The following VEPH1 variants were observed in gnomAD, a reference collection of about 807,000 sequenced individuals.
VEPH1 encodes ventricular zone expressed PH domain containing 1, also known as ventricular zone-expressed PH domain-containing protein homolog 1.
Under a neutral mutation model 85.2 loss-of-function variants are expected in VEPH1, and 80 were observed. The observed-to-expected ratio is 0.94, with a 90% CI of 0.78 to 1.13. The LOEUF (loss-of-function observed/expected upper bound fraction) is 1.13. Ranked by LOEUF, VEPH1 falls within the 50% of genes most tolerant of loss-of-function variation. The pLI, the probability that VEPH1 is intolerant of heterozygous loss-of-function variation, is 0.00. For missense variants in VEPH1, 955 were observed against 980.5 expected, an observed-to-expected ratio of 0.97 and a Z score of 0.35; for synonymous variants, 297 against 348.0, an observed-to-expected ratio of 0.85 and a Z score of 1.63.
At chr3:157,359,040 G>A (rs749613791) in intron 9 of VEPH1, among the ~76,000 whole-genome samples, 23 of 152,026 alleles carry the variant, frequency 1.5e-4, no homozygotes, top group Non-Finnish European at 2.8e-4. Flanking sequence ...ACTTGTGTGG[G>A]TCTATAAAGA....
chr3:157,497,118 T>A (rs752772391), intron 1 of VEPH1, among the ~76,000 whole-genome samples: 7 of 152,172 alleles, frequency 4.6e-5, no homozygotes, highest in Non-Finnish European at 1.0e-4. Context: ...AGACTCCAAG[T>A]TCATAACCAT....
At chr3:157,265,747 C>A (rs1713552255) in intron 12 of VEPH1, 85 bp from the exon 13 acceptor site, 1 of 1,398,320 alleles carries the variant, frequency 7.2e-7, no homozygotes, top group Non-Finnish European at 9.6e-7. Context: ...GTACAGTGTA[C>A]CAGAACCCAG....
intron 12 of VEPH1, among the ~76,000 whole-genome samples, chr3:157,268,218 G>A (rs1324876963): frequency 6.6e-6 from 1 of 152,142 alleles, no homozygotes; most frequent in Admixed American, 6.6e-5. Context: ...AAAGTGCTTA[G>A]GGCACTGTGT....
chr3:157,392,298 A>T (rs575264768), intron 6 of VEPH1, among the ~76,000 whole-genome samples: 1 of 152,360 alleles, frequency 6.6e-6, no homozygotes, highest in African/African-American at 2.4e-5. Flanking sequence ...GTCATGTCTT[A>T]CATGGATGGC....
At chr3:157,280,014 C>CAAAA (rs369384376) in intron 12 of VEPH1, among the ~76,000 whole-genome samples, 2 of 109,994 alleles carry the variant, frequency 1.8e-5, no homozygotes, top group Admixed American at 1.0e-4. Context: ...GACTCTGTTT[C>CAAAA]AAAAAAAAAA....
At chr3:157,399,089 A>G (rs931568483) in intron 6 of VEPH1, among the ~76,000 whole-genome samples, 1 of 152,256 alleles carries the variant, frequency 6.6e-6, no homozygotes, top group Non-Finnish European at 1.5e-5. Flanking sequence ...CTTGAGTATC[A>G]AAAATCTTAA....
At chr3:157,416,267 CAACT>C (rs1456356085) in intron 5 of VEPH1, among the ~76,000 whole-genome samples, 9 of 151,972 alleles carry the variant, frequency 5.9e-5, no homozygotes, top group Admixed American at 1.3e-4. Context: ...TACTACAAAA[CAACT>C]AACAAGAACA....
At chr3:157,481,465 CAAAAAAAA>C (rs1553796737) in intron 2 of VEPH1, among the ~76,000 whole-genome samples, 5 of 63,312 alleles carry the variant, frequency 7.9e-5, no homozygotes, top group African/African-American at 1.7e-4. Context: ...CACACACACA[CAAAAAAAA>C]AAAAAAAAAA....
At chr3:157,339,576 C>A (rs567185097) in intron 9 of VEPH1, among the ~76,000 whole-genome samples, 1 of 152,146 alleles carries the variant, frequency 6.6e-6, no homozygotes, top group African/African-American at 2.4e-5. Flanking sequence ...ACACCTCAAC[C>A]TCACACTTCC....
chr3:157,317,391 A>AATT (rs1227870047), intron 9 of VEPH1, among the ~76,000 whole-genome samples, 190 bp from the exon 10 acceptor site: 1 of 152,156 alleles, frequency 6.6e-6, no homozygotes, highest in Non-Finnish European at 1.5e-5. Flanking sequence ...AAAGATTTTA[A>AATT]ATTATTATTA....
At chr3:157,300,533 A>G (rs952155476) in intron 11 of VEPH1, among the ~76,000 whole-genome samples, 1 of 152,226 alleles carries the variant, frequency 6.6e-6, no homozygotes, top group Admixed American at 6.5e-5. Context: ...AATTTGTTAA[A>G]AAAGCATATG....
chr3:157,434,074 G>C (rs951856419), intron 4 of VEPH1, among the ~76,000 whole-genome samples: 1 of 151,752 alleles, frequency 6.6e-6, no homozygotes, highest in African/African-American at 2.4e-5. Flanking sequence ...AGATAATTCA[G>C]AGATATCTTC....
At chr3:157,437,631 C>A (rs1412412407) in intron 4 of VEPH1, 3 of 1,555,336 alleles carry the variant, frequency 1.9e-6, no homozygotes, top group South Asian at 2.4e-5. Context: ...TCCTGCGGGG[C>A]GAGCTGCAGA....
At chr3:157,281,375 C>T (rs572996671) in intron 12 of VEPH1, among the ~76,000 whole-genome samples, 12 of 152,114 alleles carry the variant, frequency 7.9e-5, no homozygotes, top group African/African-American at 2.9e-4. Context: ...ACTCAGTAGT[C>T]CCAGTATATC....
intron 3 of VEPH1, among the ~76,000 whole-genome samples, chr3:157,464,583 G>A (rs1309368126): frequency 6.6e-6 from 1 of 152,142 alleles, no homozygotes; most frequent in Non-Finnish European, 1.5e-5. Flanking sequence ...CTTTCTCGTG[G>A]GGACAATTTA....
At chr3:157,266,767 C>T (rs1158478415) in intron 12 of VEPH1, among the ~76,000 whole-genome samples, 1 of 152,184 alleles carries the variant, frequency 6.6e-6, no homozygotes, top group African/African-American at 2.4e-5. Flanking sequence ...ACATAAGATT[C>T]ACTCTTCAAA....
intron 3 of VEPH1, among the ~76,000 whole-genome samples, chr3:157,462,972 G>A (rs1484689187): frequency 6.6e-6 from 1 of 152,186 alleles, no homozygotes; most frequent in Admixed American, 6.5e-5. Context: ...GTATTGAGAA[G>A]GGAGGATCAA....
chr3:157,479,873 G>A (rs1371209611), intron 2 of VEPH1, among the ~76,000 whole-genome samples: 1 of 152,180 alleles, frequency 6.6e-6, no homozygotes, highest in Non-Finnish European at 1.5e-5. Flanking sequence ...CACAGTAAGT[G>A]CAGATAAATG....
intron 11 of VEPH1, among the ~76,000 whole-genome samples, chr3:157,308,646 A>C (rs1719778417): frequency 6.6e-6 from 1 of 152,032 alleles, no homozygotes; most frequent in South Asian, 2.1e-4. Context: ...ACTTCATAAG[A>C]GATAAAAAAT....
Sources: allele counts gnomAD v4.1 joint callset (sites outside exome capture counted in the v4.1 genomes callset), GRCh38; gene constraint gnomAD v4.1.1; transcripts MANE v1.5; gene names NCBI Gene and HGNC (gene_info 2026-07-23, HGNC 2026-07-21).